Variants in ABCA12 observed in about 807,000 individuals in gnomAD.
The protein encoded by ABCA12 is ATP binding cassette subfamily A member 12, also known as glucosylceramide transporter ABCA12.
ABCA12 carries 156 observed loss-of-function variants against 293.5 expected under a neutral mutation model. The ratio of observed to expected loss-of-function variants is 0.53; its 90% CI spans 0.47 to 0.61. The LOEUF (loss-of-function observed/expected upper bound fraction) is 0.61, where lower values mean the gene tolerates loss of function less well. ABCA12 is among the 20% of genes least tolerant of loss of function. ABCA12 has a pLI of 0.00. For missense variants in ABCA12, 2,797 were observed against 3,090.2 expected, an observed-to-expected ratio of 0.91 and a Z score of 2.25; for synonymous variants, 1,063 against 1,108.0, an observed-to-expected ratio of 0.96 and a Z score of 0.81.
rs185235259 is a variant in ABCA12 at position 215,070,152 on chromosome 2, A to C, written c.164-5933T>G. Reference sequence around the variant, plus strand: ...TAAAATAGACAGATTTAAATGATTAATAAAATCAATATTTATTGTTGTAGA... The same window carrying C: ...TAAAATAGACAGATTTAAATGATTACTAAAATCAATATTTATTGTTGTAGA... On this transcript the variant is annotated intron_variant, in intron 2 of 52. Coordinates refer to ENST00000272895, the MANE Select transcript of ABCA12 (RefSeq NM_173076.3). Among the ~76,000 whole-genome samples the C allele has an allele frequency of 4.9e-3, 407 of 82,336 alleles. 1 individual carries two copies. The highest frequency in any genetic ancestry group is 0.012 in the Admixed American group (87 of 7,180). 54.0% of individuals were successfully genotyped at this position (82,336 alleles called of 152,430 possible).
At chr2:215,061,140 C>G (rs1229303008) in intron 3 of ABCA12, among the ~76,000 whole-genome samples, 7 of 152,174 alleles carry the variant, frequency 4.6e-5, no homozygotes, top group African/African-American at 1.4e-4. Flanking sequence ...GATGTTGGAT[C>G]ATCTGTTGTG....
chr2:215,108,233 G>T (rs1386278385), intron 2 of ABCA12, among the ~76,000 whole-genome samples: 1 of 152,160 alleles, frequency 6.6e-6, no homozygotes, highest in Non-Finnish European at 1.5e-5. Context: ...GAATTAGTTG[G>T]ACACAGGTAG....
chr2:214,943,135 T>C (rs1410656779), intron 49 of ABCA12, 118 bp from the exon 50 acceptor site: 7 of 802,838 alleles, frequency 8.7e-6, no homozygotes, highest in Non-Finnish European at 1.4e-5. Flanking sequence ...TTAGTTTTTT[T>C]CTTTTCTTTG....
intron 8 of ABCA12, chr2:215,032,575 T>C (rs1700903198): frequency 6.5e-6 from 1 of 152,754 alleles, no homozygotes; most frequent in African/African-American, 2.4e-5. Context: ...TAATTCAGCC[T>C]GCTGCATAAG....
At chr2:215,030,817 T>C (rs1700861402) in intron 9 of ABCA12, among the ~76,000 whole-genome samples, 1 of 152,162 alleles carries the variant, frequency 6.6e-6, no homozygotes, top group South Asian at 2.1e-4. Context: ...AATAGAAAGT[T>C]TGTAAACAAC....
In ABCA12 at chr2:215,092,474, C is replaced by A. The variant is rs193044251; in HGVS notation, c.163+19123G>T. On this transcript the variant is annotated intron_variant, in intron 2 of 52. Transcript: ENST00000272895. ...TCCTCTTGTATCCCCCGACCTTAAC[C>A]CACAAGTATTGGACACCTCTACTCC... Among the ~76,000 whole-genome samples the A allele has an allele frequency of 3.3e-5, 5 of 152,160 alleles. No individual in the cohort carries two copies. In the East Asian group the frequency reaches 9.7e-4, roughly 29 times the overall value.
chr2:214,983,545 G>GA (rs1699716744), intron 29 of ABCA12, 102 bp downstream of exon 29: 2 of 1,028,422 alleles, frequency 1.9e-6, no homozygotes, highest in Admixed American at 3.8e-5. Context: ...TATTTCGTGA[G>GA]AAAATATTTC....
chr2:215,071,351 T>C (rs1354869000), intron 2 of ABCA12, among the ~76,000 whole-genome samples: 1 of 152,060 alleles, frequency 6.6e-6, no homozygotes, highest in Non-Finnish European at 1.5e-5. Flanking sequence ...TGAGGGTTTA[T>C]GCCCATTTTG....
intron 2 of ABCA12, among the ~76,000 whole-genome samples, chr2:215,083,901 TTTTC>T (rs1239498037): frequency 1.3e-5 from 2 of 152,194 alleles, no homozygotes; most frequent in Non-Finnish European, 2.9e-5. Context: ...GTCTTTGTGA[TTTTC>T]AAGTTTATTA....
chr2:214,997,987 G>A (rs4673926), intron 22 of ABCA12, among the ~76,000 whole-genome samples, 178 bp from the exon 23 acceptor site: 151,881 of 152,240 alleles, frequency 1, 75,763 homozygotes, highest in East Asian at 1. Flanking sequence ...TTAACCATAG[G>A]TCTGTGATTT....
rs942404813 is a variant in ABCA12 at position 215,004,124 on chromosome 2, G to C, written c.2683+85C>G. On this transcript the variant is annotated intron_variant, in intron 20 of 52. Coordinates refer to ENST00000272895, the MANE Select transcript of ABCA12 (RefSeq NM_173076.3). ...GCTACAAACTAAGTACAGGAGAAAA[G>C]GGGGGAAAATGTAATCATATGGAAC... 1.3e-5 allele frequency: 15 copies of C among 1,186,894 alleles called. No homozygotes were observed. In the African/African-American group the frequency reaches 2.0e-4, roughly 16 times the overall value. 73.5% of individuals were successfully genotyped at this position (1,186,894 alleles called of 1,614,324 possible). A position where few individuals can be genotyped will look rare whatever the true frequency, so the allele number is the denominator to read the frequency against.
At chr2:215,064,255 C>T (rs780885007) in intron 2 of ABCA12, 36 bp from the exon 3 acceptor site, 3 of 1,604,006 alleles carry the variant, frequency 1.9e-6, no homozygotes, top group Non-Finnish European at 2.6e-6. Flanking sequence ...ATCAGTATGG[C>T]ACATTTGTCT....
intron 2 of ABCA12, chr2:215,075,356 A>T (rs1459793516): frequency 1.9e-6 from 1 of 518,028 alleles, no homozygotes; most frequent in Non-Finnish European, 3.4e-6. Context: ...TTCTTCCCCA[A>T]ATCTTTGCCC....
chr2:214,984,010 G>T, intron 28 of ABCA12, 145 bp from the exon 29 acceptor site: 1 of 645,166 alleles, frequency 1.5e-6, no homozygotes, highest in Non-Finnish European at 2.6e-6. Context: ...GGTATTTAAT[G>T]GGAATAAGAA....
chr2:215,024,059 G>A (rs944903984), intron 11 of ABCA12, among the ~76,000 whole-genome samples: 2 of 152,060 alleles, frequency 1.3e-5, no homozygotes, highest in African/African-American at 2.4e-5. Flanking sequence ...TCAAGTTCAC[G>A]CCTCTATCTT....
chr2:215,062,742 T>TAACAG, intron 3 of ABCA12, among the ~76,000 whole-genome samples: 1 of 152,064 alleles, frequency 6.6e-6, no homozygotes, highest in Non-Finnish European at 1.5e-5. Flanking sequence ...TCCTTGTCCT[T>TAACAG]GTTGGTCTCT....
At chr2:215,088,509 C>T (rs1360500038) in intron 2 of ABCA12, among the ~76,000 whole-genome samples, 1 of 152,194 alleles carries the variant, frequency 6.6e-6, no homozygotes, top group South Asian at 2.1e-4. Context: ...AATATACCCA[C>T]ATTTCCTTGA....
rs1361592369 is a variant in ABCA12 at position 214,992,520 on chromosome 2, C to CA, written c.3295-1490_3295-1489insT. ...TAAGCCTATCAACCTAGTATCCCCC[C>CA]CCTTTTTTTTTTTTTTTTTTTTAGG... On this transcript the variant is annotated intron_variant, in intron 23 of 52. Coordinates refer to ENST00000272895, the MANE Select transcript of ABCA12 (RefSeq NM_173076.3). Among the ~76,000 whole-genome samples, 7 of 63,610 alleles carry CA rather than the reference C, an allele frequency of 1.1e-4. 1 individual carries two copies. The highest frequency in any genetic ancestry group is 2.0e-3 in the South Asian group (2 of 1,012). The allele number at this position is 63,610 out of a possible 152,430, so 41.7% of individuals were successfully genotyped here. A position where few individuals can be genotyped will look rare whatever the true frequency, so the allele number is the denominator to read the frequency against.
chr2:214,949,285 G>C (rs932719479), intron 45 of ABCA12, 136 bp from the exon 46 acceptor site: 12 of 699,354 alleles, frequency 1.7e-5, no homozygotes, highest in Admixed American at 2.4e-5. Flanking sequence ...CATGGATAGT[G>C]TAATGCTCTT....
Sources: gnomAD v4.1 joint callset for allele counts (sites outside exome capture counted in the v4.1 genomes callset) on GRCh38, gnomAD v4.1.1 for gene constraint, MANE v1.5 for transcripts, NCBI Gene and HGNC (gene_info 2026-07-23, HGNC 2026-07-21) for gene names.